SLC47A2: variants seen among roughly 807,000 people sequenced by gnomAD.
SLC47A2 encodes multidrug and toxin extrusion protein 2.
In SLC47A2, 52 loss-of-function variants were observed where a neutral mutation model predicts 67.7. The ratio of observed to expected loss-of-function variants is 0.77; its 90% CI spans 0.61 to 0.97. The LOEUF (loss-of-function observed/expected upper bound fraction) is 0.97, where lower values mean the gene tolerates loss of function less well. SLC47A2 is among the 50% of genes least tolerant of loss of function. The pLI is 0.00. For missense variants in SLC47A2, 676 were observed against 712.3 expected (o/e 0.95, Z 0.58); for synonymous variants, 278 against 292.9 (o/e 0.95, Z 0.52).
At chr17:19,717,831 C>T (rs1449906619), upstream of SLC47A2, 1 of 152,312 alleles carries the variant, frequency 6.6e-6, no homozygotes, top group Non-Finnish European at 1.5e-5. Flanking sequence ...CCACTGGATC[C>T]TCCCAGGATC....
At chr17:19,705,300 C>A in intron 10 of SLC47A2, 136 bp downstream of exon 10, 3 of 853,834 alleles carry the variant, frequency 3.5e-6, no homozygotes, top group Admixed American at 4.8e-5. Flanking sequence ...AGGGTCTGGA[C>A]CTGGTGGGCA....
At chr17:19,711,980 A>C (rs972801401) in intron 5 of SLC47A2, among the ~76,000 whole-genome samples, 1 of 152,180 alleles carries the variant, frequency 6.6e-6, no homozygotes. Context: ...CTATAAAGAG[A>C]CTAATGACAT....
intron 8 of SLC47A2, among the ~76,000 whole-genome samples, chr17:19,707,423 C>A (rs781366884): frequency 1.3e-5 from 2 of 152,204 alleles, no homozygotes; most frequent in African/African-American, 2.4e-5. Context: ...GAATGTCAGG[C>A]ACCCCACGCA....
rs772982117 is a variant in SLC47A2, at chr17:19,714,797, C to T, written c.226-8G>A. On this transcript the variant is annotated splice_region_variant and splice_polypyrimidine_tract_variant and intron_variant, in intron 2 of 16. Coordinates refer to ENST00000433844, the MANE Select transcript of SLC47A2 (RefSeq NM_001099646.3). ...TCCGCAGACATTGACAAACTGGCGC[C>T]ACACACAGGAGGAAACAAGAGCTTG... 2.9e-5 allele frequency: 47 copies of T among 1,613,932 alleles called. No homozygotes were observed. The highest frequency in any genetic ancestry group is 3.9e-5 in the Non-Finnish European group (46 of 1,180,052).
In SLC47A2 at chr17:19,678,434, C is replaced by T; in HGVS notation, c.*252G>A. ...GACAATCCCTGGACTCTGACTCGTG[C>T]AGTTGGCTGATGTCTTCTGTAGAGC... On this transcript the variant is annotated 3_prime_UTR_variant, in exon 17 of 17. Coordinates refer to ENST00000433844, the MANE Select transcript of SLC47A2 (RefSeq NM_001099646.3). 1 of 522,968 alleles carries T rather than the reference C, an allele frequency of 1.9e-6. No homozygotes were observed. The highest frequency in any genetic ancestry group is 3.4e-6 in the Non-Finnish European group (1 of 291,860). 32.4% of individuals were successfully genotyped at this position (522,968 alleles called of 1,614,324 possible). A position where few individuals can be genotyped will look rare whatever the true frequency, so the allele number is the denominator to read the frequency against.
intron 10 of SLC47A2, chr17:19,704,784 A>G (rs1567628645): frequency 1.9e-6 from 2 of 1,034,868 alleles, no homozygotes. Flanking sequence ...GGCCGACTGC[A>G]GTGTGCAGGA....
At position 19,703,112 on chromosome 17, in the gene SLC47A2, C is replaced by A; in HGVS notation, c.1074G>T (p.Gly358=). The A allele has an allele frequency of 6.2e-7, 1 of 1,614,116 alleles. No individual in the cohort carries two copies. The highest frequency in any genetic ancestry group is 1.1e-5 in the South Asian group (1 of 91,078). Residue 358 remains glycine (G), a synonymous_variant, in exon 12 of 17, where the codon GGG becomes GGT. Coordinates refer to ENST00000433844, the MANE Select transcript of SLC47A2 (RefSeq NM_001099646.3). ...CCTACTCATCATTGGTAAAAATATGCCCCAGCTGATTTTTCAGGATGCTTA... is the reference window on the plus strand; with the variant it reads ...CCTACTCATCATTGGTAAAAATATGACCCAGCTGATTTTTCAGGATGCTTA... The part of the protein sequence containing the change: ...TLISILKNQL[G]HIFTNDEDVI...
chr17:19,714,939 C>T lies in SLC47A2; in HGVS notation c.226-150G>A, dbSNP rs1485192348. On this transcript the variant is annotated intron_variant, in intron 2 of 16. Coordinates refer to ENST00000433844, the MANE Select transcript of SLC47A2 (RefSeq NM_001099646.3). The stretch of plus-strand genomic sequence containing the variant: ...CAGCAGCCTCATGTGCTGTGTGCCC[C>T]AGGGCCAGACCGCCTCCATCTCCGG... 1.2e-5 allele frequency: 15 copies of T among 1,282,992 alleles called. No homozygotes were observed. The Middle Eastern group carries it at 6.1e-4, about 52-fold the overall frequency. 79.5% of individuals were successfully genotyped at this position (1,282,992 alleles called of 1,614,324 possible).
intron 13 of SLC47A2, among the ~76,000 whole-genome samples, chr17:19,688,866 C>CTT (rs561794495): frequency 3.6e-4 from 50 of 138,346 alleles, no homozygotes; most frequent in African/African-American, 1.2e-3. Flanking sequence ...CTGGTGATAT[C>CTT]TTTTTTTTTT....
upstream of SLC47A2, chr17:19,717,890 C>T (rs1388593963): frequency 2.0e-5 from 3 of 152,188 alleles, no homozygotes; most frequent in Non-Finnish European, 4.4e-5. Context: ...CTTATCACAG[C>T]ACTCTCCAAC....
At chr17:19,706,087 C>T (rs1302851525) in intron 9 of SLC47A2, among the ~76,000 whole-genome samples, 1 of 152,200 alleles carries the variant, frequency 6.6e-6, no homozygotes, top group Non-Finnish European at 1.5e-5. Context: ...GGTCCGGCAA[C>T]TCGAGTTCGG....
intron 16 of SLC47A2, 64 bp downstream of exon 16, chr17:19,679,888 C>T (rs2085275726): frequency 2.0e-6 from 3 of 1,517,912 alleles, no homozygotes; most frequent in Non-Finnish European, 2.7e-6. Context: ...AGAGGGCAGA[C>T]AAGAGCAACA....
rs1317857113 is a variant in SLC47A2 at position 19,713,935 on chromosome 17, G to C, written c.333C>G (p.Ile111Met). 1.9e-6 allele frequency: 3 copies of C among 1,613,376 alleles called. No homozygotes were observed. Among genetic ancestry groups the C allele is most frequent in the Non-Finnish European group, 2.5e-6 (3 of 1,179,690 alleles). The change falls in exon 4 of 17, where the codon ATC (isoleucine) becomes ATG (methionine). Residue 111 changes from isoleucine (I) to methionine (M), a missense_variant. Coordinates refer to ENST00000433844, the MANE Select transcript of SLC47A2 (RefSeq NM_001099646.3). ...GSPNKKHVGVILQRGALVLLL... is the reference protein window; with the variant it reads ...GSPNKKHVGVMLQRGALVLLL... ...GCAGGACCAGCGCGCCCCGCTGCAG[G>C]ATCACGCCCACGTGCTTCTTGTTGG...
At chr17:19,703,069 A>G (rs1344373285) in intron 12 of SLC47A2, 23 bp downstream of exon 12, 2 of 1,609,564 alleles carry the variant, frequency 1.2e-6, no homozygotes, top group East Asian at 4.5e-5. Flanking sequence ...TCCAAGAGTC[A>G]GCACAGAAAA....
upstream of SLC47A2, chr17:19,716,797 C>A: frequency 1.9e-6 from 1 of 523,918 alleles, no homozygotes; most frequent in Non-Finnish European, 3.3e-6. Flanking sequence ...GTCACCCAGA[C>A]CGCTGCCTGT....
chr17:19,698,604 C>T (rs1166695416), intron 13 of SLC47A2, among the ~76,000 whole-genome samples: 3 of 152,128 alleles, frequency 2.0e-5, no homozygotes, highest in African/African-American at 7.2e-5. Flanking sequence ...CCTCCTTTGC[C>T]TCAGCCTCCC....
chr17:19,718,528 C>A (rs2086308133), upstream of SLC47A2: 1 of 152,230 alleles, frequency 6.6e-6, no homozygotes, highest in Admixed American at 6.5e-5. Context: ...GGTCATCTTC[C>A]CGAGGGCCAG....
rs77711074 is a variant in SLC47A2, at chr17:19,695,175, A to C, written c.1164+7430T>G. On this transcript the variant is annotated intron_variant, in intron 13 of 16. Transcript: ENST00000433844. The stretch of plus-strand genomic sequence containing the variant: ...AAAAGTTTAAGAGACCTACTGTACA[A>C]CATGTTAACTATTGTATACTTGAAA... Among the ~76,000 whole-genome samples, 302 of 152,290 alleles carry C rather than the reference A, an allele frequency of 2.0e-3. 4 individuals carry two copies. In the East Asian group the frequency reaches 0.047, roughly 23 times the overall value.
rs1482748305 is a variant in SLC47A2, at chr17:19,716,445, A to G, written c.111T>C (p.Leu37=). 7 of 1,610,728 alleles carry G rather than the reference A, an allele frequency of 4.3e-6. No individual in the cohort carries two copies. In the Admixed American group the frequency reaches 1.0e-4, roughly 23 times the overall value. Residue 37 remains leucine, a synonymous_variant, in exon 1 of 17, where the codon CTT becomes CTC. Coordinates refer to ENST00000433844, the MANE Select transcript of SLC47A2 (RefSeq NM_001099646.3). Reference sequence around the variant, plus strand: ...TCCTCCTCCTTACCAGGGGTCCAGAAAGGGCAAAGAGAGTCCACATCTCAG... The same window carrying G: ...TCCTCCTCCTTACCAGGGGTCCAGAGAGGGCAAAGAGAGTCCACATCTCAG... The part of the protein sequence containing the change: ...FGTEMWTLFA[L]SGPLFLFQVL...
Sources: gnomAD v4.1 joint callset for allele counts (sites outside exome capture counted in the v4.1 genomes callset) on GRCh38, gnomAD v4.1.1 for gene constraint, MANE v1.5 for transcripts, NCBI Gene and HGNC (gene_info 2026-07-23, HGNC 2026-07-21) for gene names.